MAGI1: variants seen among roughly 807,000 people sequenced by gnomAD.
The protein encoded by MAGI1 is membrane-associated guanylate kinase, WW and PDZ domain-containing protein 1.
In MAGI1, 58 loss-of-function variants were observed where a neutral mutation model predicts 139.9. That is an observed-to-expected ratio of 0.41 (90% CI 0.34 to 0.52). The LOEUF (loss-of-function observed/expected upper bound fraction) is 0.52, where lower values mean the gene tolerates loss of function less well. MAGI1 is among the 20% of genes least tolerant of loss of function. The pLI is 0.12. For synonymous variants in MAGI1, 812 were observed against 737.9 expected (o/e 1.10, Z -1.63); for missense variants, 1,874 against 1,901.6 (o/e 0.99, Z 0.27).
intron 1 of MAGI1, among the ~76,000 whole-genome samples, chr3:65,740,667 T>C (rs1331987001): frequency 6.6e-6 from 1 of 152,194 alleles, no homozygotes; most frequent in Non-Finnish European, 1.5e-5. Context: ...TAAGAAATAA[T>C]CTACTCTCAA....
chr3:65,900,434 T>A (rs911045935), intron 1 of MAGI1, among the ~76,000 whole-genome samples: 1 of 152,246 alleles, frequency 6.6e-6, no homozygotes, highest in African/African-American at 2.4e-5. Context: ...ATTATTTGCC[T>A]AGTGTTAGAC....
In MAGI1 at chr3:66,038,291, C is replaced by T; in HGVS notation, c.18G>A (p.Gln6=). The stretch of plus-strand genomic sequence containing the variant: ...CCCTGCTAGTCCAGTGGTTCTTCTT[C>T]TGGATCACTTTGGACATGATGAGTT... MSKVI[Q]KKNHWTSRVH... is the part of the protein sequence containing the mutation. The change falls in exon 1 of 23, where the codon CAG becomes CAA. Residue 6 remains glutamine, a synonymous_variant. Coordinates refer to ENST00000402939, the MANE Select transcript of MAGI1 (RefSeq NM_001033057.2). The T allele has an allele frequency of 6.3e-7, 1 of 1,592,274 alleles. No homozygotes were observed. The highest frequency in any genetic ancestry group is 8.6e-7 in the Non-Finnish European group (1 of 1,168,372).
chr3:65,586,000 G>A (rs1008386372), intron 2 of MAGI1, among the ~76,000 whole-genome samples: 1 of 152,134 alleles, frequency 6.6e-6, no homozygotes, highest in Non-Finnish European at 1.5e-5. Flanking sequence ...CGGAGCCCAG[G>A]AGTTCGAGAC....
chr3:65,490,843 C>CAAA (rs5849677), intron 3 of MAGI1, among the ~76,000 whole-genome samples: 3,810 of 64,478 alleles, frequency 0.059, 500 homozygotes, highest in African/African-American at 0.12. Flanking sequence ...GACTCTGTCT[C>CAAA]AAAAAAAAAA....
At chr3:65,936,238 A>C (rs2063043371) in intron 1 of MAGI1, among the ~76,000 whole-genome samples, 1 of 152,218 alleles carries the variant, frequency 6.6e-6, no homozygotes, top group Non-Finnish European at 1.5e-5. Context: ...CCTAGAAATA[A>C]CAGGAATATG....
At chr3:65,959,601 TTTATTATTATTA>T (rs34295973) in intron 1 of MAGI1, among the ~76,000 whole-genome samples, 1,547 of 127,292 alleles carry the variant, frequency 0.012, 12 homozygotes, top group Non-Finnish European at 0.02. Flanking sequence ...TCCCAGCATT[TTTATTATTATTA>T]TTATTATTAT....
Position 66,031,146 on chromosome 3 carries a change from G to C in MAGI1, c.313+6850C>G, listed in dbSNP as rs775675790. Among the ~76,000 whole-genome samples, 8 of 152,290 alleles carry C rather than the reference G, an allele frequency of 5.3e-5. No homozygotes were observed. The Middle Eastern group carries it at 0.01, about 194-fold the overall frequency. The stretch of plus-strand genomic sequence containing the variant: ...CATATGAGCTGCAAAAAGACAGGCA[G>C]GCATGCAGTAACCTACTTTTTTAGG... On this transcript the variant is annotated intron_variant, in intron 1 of 22. Coordinates refer to ENST00000402939, the MANE Select transcript of MAGI1 (RefSeq NM_001033057.2).
Position 65,430,015 on chromosome 3 carries a change from A to G in MAGI1, c.1672T>C (p.Leu558=), listed in dbSNP as rs1340917381. ...VDLELCRGYP[L]PFDPDDPNTS... ...TTGGGGTCATCTGGATCAAAAGGCA[A>G]TGGATAACCTCGGCAGAGTTCAAGG... Residue 558 remains leucine (L), a synonymous_variant, in exon 12 of 23, where the codon TTG becomes CTG. Coordinates refer to ENST00000402939, the MANE Select transcript of MAGI1 (RefSeq NM_001033057.2). 7 of 1,613,830 alleles carry G rather than the reference A, an allele frequency of 4.3e-6. No homozygotes were observed. Among genetic ancestry groups the G allele is most frequent in the Non-Finnish European group, 5.9e-6 (7 of 1,179,934 alleles).
chr3:65,912,539 AT>A (rs375183883), intron 1 of MAGI1, among the ~76,000 whole-genome samples: 22 of 152,362 alleles, frequency 1.4e-4, no homozygotes, highest in African/African-American at 4.8e-4. Context: ...TAACAAAAAA[AT>A]GTTTTTCAGG....
At chr3:65,918,116 C>G (rs1320489541) in intron 1 of MAGI1, among the ~76,000 whole-genome samples, 1 of 147,428 alleles carries the variant, frequency 6.8e-6, no homozygotes, top group Non-Finnish European at 1.5e-5. Context: ...TTTTAAACAG[C>G]TACTCAGAAA....
At chr3:66,007,891 ATTTTTT>A (rs35578902) in intron 1 of MAGI1, among the ~76,000 whole-genome samples, 2 of 122,500 alleles carry the variant, frequency 1.6e-5, no homozygotes, top group African/African-American at 3.3e-5. Context: ...GGCTCCATAG[ATTTTTT>A]TTTTTTTTTT....
Position 65,354,813 on chromosome 3 carries a change from T to C in MAGI1, c.*1565A>G, listed in dbSNP as rs1258775785. ...CAAGAAAAAAAGGCAACAGTTGTTT[T>C]CTTTTTTTTCCCAACAGGCTCTATT... On this transcript the variant is annotated 3_prime_UTR_variant, in exon 23 of 23. Coordinates refer to ENST00000402939, the MANE Select transcript of MAGI1 (RefSeq NM_001033057.2). 6.6e-6 allele frequency: 1 copy of C among 152,618 alleles called. No homozygotes were observed. The highest frequency in any genetic ancestry group is 1.5e-5 in the Non-Finnish European group (1 of 68,016). The allele number at this position is 152,618 out of a possible 1,614,324, so 9.5% of individuals were successfully genotyped here.
chr3:65,487,285 TTAAA>T (rs1951695031), intron 3 of MAGI1, among the ~76,000 whole-genome samples: 1 of 152,178 alleles, frequency 6.6e-6, no homozygotes, highest in African/African-American at 2.4e-5. Flanking sequence ...ATTCGTTTAT[TTAAA>T]TAAAGTGTCT....
At chr3:65,466,491 T>G (rs981887655) in intron 5 of MAGI1, among the ~76,000 whole-genome samples, 1 of 152,086 alleles carries the variant, frequency 6.6e-6, no homozygotes, top group Non-Finnish European at 1.5e-5. Context: ...TGGGTGGGGA[T>G]AGTGGCTTGA....
intron 1 of MAGI1, among the ~76,000 whole-genome samples, chr3:65,972,039 G>A (rs1323611682): frequency 3.3e-5 from 5 of 152,230 alleles, no homozygotes; most frequent in African/African-American, 1.2e-4. Flanking sequence ...TAGGAAATAA[G>A]AAAGGAGGTG....
At chr3:65,756,827 C>T (rs149982689) in intron 1 of MAGI1, among the ~76,000 whole-genome samples, 1 of 152,190 alleles carries the variant, frequency 6.6e-6, no homozygotes, top group African/African-American at 2.4e-5. Flanking sequence ...ACAGAATACC[C>T]ACATACACAA....
intron 1 of MAGI1, among the ~76,000 whole-genome samples, chr3:65,779,075 C>T (rs1420932227): frequency 6.6e-6 from 1 of 152,222 alleles, no homozygotes; most frequent in Admixed American, 6.5e-5. Context: ...AAAAGAAACC[C>T]TGTAGCAACC....
chr3:66,033,657 A>G (rs1353687551), intron 1 of MAGI1, among the ~76,000 whole-genome samples: 2 of 152,140 alleles, frequency 1.3e-5, no homozygotes, highest in African/African-American at 4.8e-5. Context: ...AATTTCCCTC[A>G]TTACAGTGAG....
intron 1 of MAGI1, among the ~76,000 whole-genome samples, chr3:65,835,214 T>C (rs563092848): frequency 6.6e-6 from 1 of 152,350 alleles, no homozygotes; most frequent in East Asian, 1.9e-4. Context: ...AAAAGCTCTA[T>C]TTTGGTTTTT....
Sources: gnomAD v4.1 joint callset for allele counts (sites outside exome capture counted in the v4.1 genomes callset) on GRCh38, gnomAD v4.1.1 for gene constraint, MANE v1.5 for transcripts, NCBI Gene and HGNC (gene_info 2026-07-23, HGNC 2026-07-21) for gene names.